Variants in SRL observed in about 807,000 individuals in gnomAD.
SRL encodes sarcalumenin.
SRL carries 23 observed loss-of-function variants against 39.5 expected under a neutral mutation model. The observed-to-expected ratio is 0.58, with a 90% CI of 0.42 to 0.82. SRL has a LOEUF of 0.82. SRL is among the 40% of genes least tolerant of loss of function. The pLI is 0.00. For missense variants in SRL, 592 were observed against 607.8 expected, an observed-to-expected ratio of 0.97 and a Z score of 0.27; for synonymous variants, 272 against 237.4, an observed-to-expected ratio of 1.15 and a Z score of -1.34.
At chr16:4,205,078 T>C (rs2052301392) in intron 1 of SRL, among the ~76,000 whole-genome samples, 1 of 152,036 alleles carries the variant, frequency 6.6e-6, no homozygotes, top group East Asian at 1.9e-4. Context: ...ATCCTAGCAC[T>C]TTAGGAGGTC....
rs79567747 is a variant in SRL at position 4,203,874 on chromosome 16, G to A, written c.164-613C>T. Among the ~76,000 whole-genome samples the A allele has an allele frequency of 4.9e-3, 754 of 152,360 alleles. 6 individuals carry two copies. Among genetic ancestry groups the A allele is most frequent in the Middle Eastern group, 0.02 (6 of 294 alleles). ...AAGAGGCCCAGCACCCAGCAGGCGC[G>A]CAGAACAGCACCCTGGCCCTGGCGT... On this transcript the variant is annotated intron_variant, in intron 2 of 5. Transcript: ENST00000399609.
intron 1 of SRL, among the ~76,000 whole-genome samples, chr16:4,227,226 A>G (rs111208287): frequency 5.3e-4 from 74 of 139,948 alleles, no homozygotes; most frequent in African/African-American, 1.0e-3. Flanking sequence ...GGATGAGTGG[A>G]TGGGTGGGTG....
At chr16:4,218,731 A>G (rs1302042119) in intron 1 of SRL, among the ~76,000 whole-genome samples, 1 of 152,176 alleles carries the variant, frequency 6.6e-6, no homozygotes, top group African/African-American at 2.4e-5. Flanking sequence ...ACAGCCCCCA[A>G]CCTGCTCAGC....
chr16:4,241,896 G>T, intron 1 of SRL, 111 bp downstream of exon 1: 2 of 1,146,916 alleles, frequency 1.7e-6, no homozygotes. Context: ...CCAGCCAAGA[G>T]CCAGGGTTTG....
intron 1 of SRL, among the ~76,000 whole-genome samples, chr16:4,212,676 G>C (rs1051585428): frequency 3.3e-5 from 5 of 152,140 alleles, no homozygotes; most frequent in African/African-American, 7.2e-5. Context: ...CTGACGTCAG[G>C]GCACAGGAAT....
intron 1 of SRL, among the ~76,000 whole-genome samples, chr16:4,229,769 C>G (rs571040972): frequency 1.1e-3 from 162 of 152,246 alleles, no homozygotes; most frequent in Middle Eastern, 6.8e-3. Context: ...ACACGTCCCC[C>G]CTGAATCTAA....
At chr16:4,231,086 G>C (rs1347214226) in intron 1 of SRL, among the ~76,000 whole-genome samples, 1 of 152,170 alleles carries the variant, frequency 6.6e-6, no homozygotes, top group East Asian at 1.9e-4. Context: ...GGGAGGCCAA[G>C]GTAGGATCAC....
intron 1 of SRL, among the ~76,000 whole-genome samples, chr16:4,231,314 T>C (rs1461501535): frequency 2.0e-5 from 3 of 152,026 alleles, no homozygotes; most frequent in African/African-American, 7.2e-5. Context: ...AGACCCTGTC[T>C]CAAAAAAAAC....
At chr16:4,238,479 G>C (rs1462486741) in intron 1 of SRL, among the ~76,000 whole-genome samples, 7 of 152,190 alleles carry the variant, frequency 4.6e-5, no homozygotes, top group African/African-American at 1.7e-4. Flanking sequence ...GCGGGTAAAA[G>C]CACTGGCCAA....
At chr16:4,216,676 G>A (rs1454649705) in intron 1 of SRL, among the ~76,000 whole-genome samples, 7 of 152,226 alleles carry the variant, frequency 4.6e-5, no homozygotes. Flanking sequence ...AGAGCACTCA[G>A]TTTTTCCAGA....
chr16:4,242,043 A>G lies in SRL; in HGVS notation c.25T>C (p.Cys9Arg). The G allele has an allele frequency of 6.2e-7, 1 of 1,613,132 alleles. No homozygotes were observed. Among genetic ancestry groups the G allele is most frequent in the Non-Finnish European group, 8.5e-7 (1 of 1,179,852 alleles). The change falls in exon 1 of 6, where the codon TGC becomes CGC. Residue 9 changes from cysteine (C) to arginine (R), a missense_variant. Physicochemically the swap from Cys to Arg is radical, Grantham distance 180. Coordinates refer to ENST00000399609, the MANE Select transcript of SRL (RefSeq NM_001098814.2). The stretch of plus-strand genomic sequence containing the variant: ...GAGAACAGGAGCGAGGCCAGGAGGC[A>G]GCCGAGCAGGACCAGCGCCCTCATG... MRALVLLG[C>R]LLASLLFSGQ...
In SRL at chr16:4,192,272, T is replaced by C; in HGVS notation, c.1303A>G (p.Ile435Val). ...AGGAGGCCCGGAAGCTCCTGAGTGA[T>C]GGCCCGCTCAATCTTCTCCAGAAAG... ...GCFLEKIERA[I>V]TQELPGLLGS... The change falls in exon 6 of 6, where the codon ATC (isoleucine) becomes GTC (valine). Residue 435 changes from isoleucine to valine, a missense_variant. Transcript: ENST00000399609. The surrounding 1 kb of genome is among the most constrained non-coding windows in gnomAD (Gnocchi z 4.0). 6.2e-7 allele frequency: 1 copy of C among 1,614,122 alleles called. No individual in the cohort carries two copies. Among genetic ancestry groups the C allele is most frequent in the South Asian group, 1.1e-5 (1 of 91,076 alleles).
At chr16:4,215,614 G>C (rs1239009104) in intron 1 of SRL, among the ~76,000 whole-genome samples, 5 of 152,146 alleles carry the variant, frequency 3.3e-5, no homozygotes, top group Non-Finnish European at 7.3e-5. Context: ...CCCAGCAGTG[G>C]GCCAGCCAAT....
intron 1 of SRL, among the ~76,000 whole-genome samples, chr16:4,212,809 G>A (rs2052410536): frequency 6.6e-6 from 1 of 151,964 alleles, no homozygotes; most frequent in South Asian, 2.1e-4. Flanking sequence ...CTTTCTCGGG[G>A]GGCCAGCTTT....
chr16:4,207,181 C>G, intron 1 of SRL: 2 of 457,004 alleles, frequency 4.4e-6, no homozygotes, highest in Non-Finnish European at 4.4e-6. Context: ...TCGGACTCCT[C>G]TTCGGAGGGA....
chr16:4,201,311 C>G (rs990273263), intron 3 of SRL, among the ~76,000 whole-genome samples: 16 of 152,088 alleles, frequency 1.1e-4, no homozygotes, highest in Non-Finnish European at 2.1e-4. Context: ...GAGTCTCACT[C>G]TGTCACCCAG....
At chr16:4,215,772 A>T (rs2052452166) in intron 1 of SRL, among the ~76,000 whole-genome samples, 1 of 152,132 alleles carries the variant, frequency 6.6e-6, no homozygotes, top group South Asian at 2.1e-4. Flanking sequence ...CCGAGGTGAG[A>T]GGATCCCTAG....
intron 1 of SRL, among the ~76,000 whole-genome samples, chr16:4,211,973 C>T (rs2052399412): frequency 6.6e-6 from 1 of 152,150 alleles, no homozygotes; most frequent in Non-Finnish European, 1.5e-5. Context: ...ACATTTCTGA[C>T]AGTCTCAAAA....
chr16:4,230,881 T>C (rs894646336), intron 1 of SRL, among the ~76,000 whole-genome samples: 1 of 151,956 alleles, frequency 6.6e-6, no homozygotes, highest in Non-Finnish European at 1.5e-5. Flanking sequence ...AAGCTACCAC[T>C]CAAAGAATGC....
Sources: allele counts gnomAD v4.1 joint callset (sites outside exome capture counted in the v4.1 genomes callset), GRCh38; gene constraint gnomAD v4.1.1; non-coding constraint Gnocchi (gnomAD v3.1); transcripts MANE v1.5; gene names NCBI Gene and HGNC (gene_info 2026-07-23, HGNC 2026-07-21).